The following RAE1 variants were observed in gnomAD, a reference collection of about 807,000 sequenced individuals.
The protein encoded by RAE1 is mRNA export factor RAE1.
A neutral mutation model predicts 52.7 loss-of-function variants in RAE1; 13 were observed. That is an observed-to-expected ratio of 0.25 (90% CI 0.16 to 0.39). RAE1 has a LOEUF of 0.39. Ranked by LOEUF, RAE1 falls within the 10% of genes least tolerant of loss-of-function variation. The probability of loss-of-function intolerance (pLI) is 1.00; values close to 1 mark genes in which losing one functional copy is unlikely to be tolerated. For synonymous variants in RAE1, 164 were observed against 153.1 expected, an observed-to-expected ratio of 1.07 and a Z score of -0.52; for missense variants, 262 against 459.8, an observed-to-expected ratio of 0.57 and a Z score of 3.93.
chr20:57,366,756 A>G, intron 5 of RAE1, 51 bp from the exon 6 acceptor site: 1 of 1,507,278 alleles, frequency 6.6e-7, no homozygotes, highest in Non-Finnish European at 9.2e-7. Context: ...AAAGCTGTTC[A>G]GCACATTCTT....
rs116854003 is a variant in RAE1 at position 57,352,564 on chromosome 20, C to G, written c.-8+1142C>G. Among the ~76,000 whole-genome samples the G allele has an allele frequency of 8.0e-3, 1,212 of 152,314 alleles. 10 individuals are homozygous for G. The highest frequency in any genetic ancestry group is 0.012 in the Non-Finnish European group (834 of 68,028). On this transcript the variant is annotated intron_variant, in intron 1 of 11. Transcript: ENST00000395841. ...CAGCATAAGGTGTGGTCCACACTGA[C>G]TAACACGAACGATTCTCACCTACCA...
intron 4 of RAE1, chr20:57,359,723 T>G (rs542782850): frequency 6.6e-6 from 1 of 152,270 alleles, no homozygotes; most frequent in South Asian, 2.1e-4. Flanking sequence ...TTTCAGCTAT[T>G]CTTGGGTAGC....
intron 4 of RAE1, 99 bp downstream of exon 4, chr20:57,356,637 A>G: frequency 3.8e-6 from 4 of 1,063,386 alleles, no homozygotes; most frequent in Non-Finnish European, 4.0e-6. Context: ...ATGTGTTCAT[A>G]TTGTAGGAAT....
At chr20:57,357,268 C>A (rs1169686066) in intron 4 of RAE1, among the ~76,000 whole-genome samples, 1 of 152,186 alleles carries the variant, frequency 6.6e-6, no homozygotes, top group African/African-American at 2.4e-5. Flanking sequence ...TCGTCAAATC[C>A]TTCCCAGCTC....
chr20:57,359,871 G>A (rs2066865808), intron 4 of RAE1: 1 of 152,194 alleles, frequency 6.6e-6, no homozygotes, highest in Non-Finnish European at 1.5e-5. Context: ...ACAGTACTGT[G>A]TCTATTGCCA....
At chr20:57,363,498 CT>C (rs2066916494) in intron 4 of RAE1, among the ~76,000 whole-genome samples, 1 of 151,962 alleles carries the variant, frequency 6.6e-6, no homozygotes, top group Non-Finnish European at 1.5e-5. Flanking sequence ...GGCAACAACC[CT>C]GTCTCAAAAA....
intron 8 of RAE1, chr20:57,371,145 A>G (rs899624973): frequency 6.6e-6 from 1 of 152,244 alleles, no homozygotes; most frequent in South Asian, 2.1e-4. Context: ...ACTCTATGAC[A>G]TTGGTCTTGG....
chr20:57,378,171 C>G lies in RAE1; in HGVS notation c.*72C>G. On this transcript the variant is annotated 3_prime_UTR_variant, in exon 12 of 12. Coordinates refer to ENST00000395841, the MANE Select transcript of RAE1 (RefSeq NM_003610.4). ...CTCATCTCTGTACGAATTTGGGTCCCAGCCTTGTTGGGTTGTCAGCCATGG... is the reference window on the plus strand; with the variant it reads ...CTCATCTCTGTACGAATTTGGGTCCGAGCCTTGTTGGGTTGTCAGCCATGG... The G allele has an allele frequency of 7.8e-7, 1 of 1,274,280 alleles. No individual in the cohort carries two copies. The highest frequency in any genetic ancestry group is 1.1e-6 in the Non-Finnish European group (1 of 913,996). 78.9% of individuals were successfully genotyped at this position (1,274,280 alleles called of 1,614,324 possible).
At chr20:57,358,553 G>A (rs559403653) in intron 4 of RAE1, 1 of 154,376 alleles carries the variant, frequency 6.5e-6, no homozygotes, top group East Asian at 1.9e-4. Flanking sequence ...TTGTCCTTTC[G>A]TAGTAGGAGG....
intron 8 of RAE1, 96 bp from the exon 9 acceptor site, chr20:57,373,378 TA>T: frequency 8.1e-7 from 1 of 1,231,952 alleles, no homozygotes. Context: ...CTGGTTCTTC[TA>T]AAACCTAAAC....
At chr20:57,375,462 G>C (rs367598354) in intron 11 of RAE1, among the ~76,000 whole-genome samples, 11 of 152,076 alleles carry the variant, frequency 7.2e-5, no homozygotes, top group Admixed American at 1.3e-4. Flanking sequence ...CACATAGGAG[G>C]GGCTTCCAGT....
At chr20:57,366,393 C>T (rs1381458427) in intron 5 of RAE1, among the ~76,000 whole-genome samples, 3 of 152,160 alleles carry the variant, frequency 2.0e-5, no homozygotes, top group South Asian at 2.1e-4. Flanking sequence ...GGCATCTGCT[C>T]GGCTTCTGGG....
chr20:57,377,528 C>T (rs1259009547), intron 11 of RAE1, among the ~76,000 whole-genome samples: 16 of 152,328 alleles, frequency 1.1e-4, no homozygotes, highest in African/African-American at 2.6e-4. Flanking sequence ...TGCACACCTC[C>T]GCACACGCCT....
chr20:57,371,667 CAG>C (rs1031202483), intron 8 of RAE1: 7 of 152,276 alleles, frequency 4.6e-5, no homozygotes, highest in Admixed American at 2.0e-4. Context: ...ACATGAAAAA[CAG>C]AATCACCATA....
intron 2 of RAE1, 110 bp from the exon 3 acceptor site, chr20:57,354,602 A>T: frequency 1.5e-6 from 1 of 671,274 alleles, no homozygotes; most frequent in Non-Finnish European, 2.4e-6. Flanking sequence ...TAATTCAGTT[A>T]GTTCTTGTAC....
intron 10 of RAE1, among the ~76,000 whole-genome samples, chr20:57,373,998 A>G (rs913693439): frequency 2.0e-5 from 3 of 152,078 alleles, no homozygotes; most frequent in African/African-American, 7.2e-5. Flanking sequence ...GGTTCAAGCG[A>G]TTCTCCTGCC....
intron 10 of RAE1, 140 bp downstream of exon 10, chr20:57,373,878 G>C (rs1402484535): frequency 2.2e-6 from 2 of 912,486 alleles, no homozygotes; most frequent in Non-Finnish European, 3.4e-6. Context: ...TTATGCTGTA[G>C]GCTTCAGGTT....
At position 57,373,663 on chromosome 20, in the gene RAE1, C is replaced by A. The variant is rs61733433; in HGVS notation, c.750C>A (p.Pro250=). The A allele has an allele frequency of 1.2e-5, 19 of 1,613,786 alleles. No homozygotes were observed. The highest frequency in any genetic ancestry group is 1.3e-5 in the African/African-American group (1 of 74,854). ...ACTTACATGAACCTTTGTCTTTCAG[C>A]GCCAAAGATAACTTCACCTTTAAAT... ...VAIHYINPPN[P]AKDNFTFKCH... Residue 250 remains proline (P), a splice_region_variant and synonymous_variant, in exon 10 of 12, where the codon CCC becomes CCA. Coordinates refer to ENST00000395841, the MANE Select transcript of RAE1 (RefSeq NM_003610.4).
At chr20:57,367,609 G>T (rs897969041) in intron 7 of RAE1, among the ~76,000 whole-genome samples, 1 of 151,872 alleles carries the variant, frequency 6.6e-6, no homozygotes, top group Non-Finnish European at 1.5e-5. Flanking sequence ...GCATGGTGGC[G>T]CACGTCTGTA....
Sources: allele counts gnomAD v4.1 joint callset (sites outside exome capture counted in the v4.1 genomes callset), GRCh38; gene constraint gnomAD v4.1.1; transcripts MANE v1.5; gene names NCBI Gene and HGNC (gene_info 2026-07-23, HGNC 2026-07-21).